CNTNAP5: variants seen among roughly 807,000 people sequenced by gnomAD.
CNTNAP5 encodes the protein contactin associated protein family member 5, also known as contactin-associated protein-like 5.
In CNTNAP5, 72 loss-of-function variants were observed where a neutral mutation model predicts 150.2. That is an observed-to-expected ratio of 0.48 (90% CI 0.40 to 0.58). CNTNAP5 has a LOEUF of 0.58. CNTNAP5 is among the 20% of genes least tolerant of loss of function. The pLI is 0.00. For synonymous variants in CNTNAP5, 672 were observed against 619.8 expected (o/e 1.08, Z -1.25); for missense variants, 1,636 against 1,626.2 (o/e 1.01, Z -0.10).
chr2:124,694,994 TTGTGTGTGTGTGTG>T (rs138349590), intron 13 of CNTNAP5, among the ~76,000 whole-genome samples: 7 of 150,192 alleles, frequency 4.7e-5, no homozygotes, highest in Non-Finnish European at 5.9e-5. Context: ...ATTTCCTAAA[TTGTGTGTGTGTGTG>T]TGTGTGTGTG....
chr2:124,088,216 AGACTAT>A (rs1169412839), intron 1 of CNTNAP5, among the ~76,000 whole-genome samples: 1 of 152,090 alleles, frequency 6.6e-6, no homozygotes, highest in Non-Finnish European at 1.5e-5. Context: ...TCTGCTATTA[AGACTAT>A]CAAGCCTGTC....
intron 10 of CNTNAP5, among the ~76,000 whole-genome samples, chr2:124,557,845 T>C (rs569926751): frequency 6.6e-6 from 1 of 151,864 alleles, no homozygotes; most frequent in African/African-American, 2.4e-5. Context: ...GAAAAATGCT[T>C]TGGGTAGAGA....
intron 3 of CNTNAP5, among the ~76,000 whole-genome samples, chr2:124,355,813 A>G (rs1375884412): frequency 1.3e-5 from 2 of 152,172 alleles, no homozygotes; most frequent in African/African-American, 4.8e-5. Context: ...TGAAAATGAT[A>G]AAAAGTCATG....
chr2:124,271,766 G>T (rs1307556646), intron 3 of CNTNAP5, among the ~76,000 whole-genome samples: 2 of 151,562 alleles, frequency 1.3e-5, no homozygotes, highest in Non-Finnish European at 2.9e-5. Flanking sequence ...CCAGGCTGTA[G>T]TGCATTGGCA....
intron 1 of CNTNAP5, among the ~76,000 whole-genome samples, chr2:124,192,364 C>A (rs565038363): frequency 6.6e-6 from 1 of 152,270 alleles, no homozygotes; most frequent in East Asian, 1.9e-4. Flanking sequence ...CCCCCTGCAG[C>A]CCTGGCACTT....
At chr2:124,742,192 T>C (rs1680510397) in intron 13 of CNTNAP5, among the ~76,000 whole-genome samples, 1 of 152,186 alleles carries the variant, frequency 6.6e-6, no homozygotes. Context: ...CAACATACCC[T>C]TATGCAGTCT....
intron 1 of CNTNAP5, among the ~76,000 whole-genome samples, chr2:124,182,388 T>A: frequency 6.6e-6 from 1 of 152,120 alleles, no homozygotes; most frequent in Non-Finnish European, 1.5e-5. Context: ...AAAATATTTC[T>A]AACAAGGGAT....
At chr2:124,762,364 T>G (rs1680976347) in intron 14 of CNTNAP5, among the ~76,000 whole-genome samples, 1 of 152,146 alleles carries the variant, frequency 6.6e-6, no homozygotes, top group South Asian at 2.1e-4. Flanking sequence ...ATAATAAATC[T>G]GAAAATTTAA....
chr2:124,562,782 T>C (rs1203034333), intron 10 of CNTNAP5, among the ~76,000 whole-genome samples: 1 of 152,210 alleles, frequency 6.6e-6, no homozygotes, highest in Non-Finnish European at 1.5e-5. Flanking sequence ...ACCTGGTCAT[T>C]CCCCAAAAGA....
At chr2:124,681,765 T>C (rs1389718835) in intron 13 of CNTNAP5, among the ~76,000 whole-genome samples, 1 of 152,108 alleles carries the variant, frequency 6.6e-6, no homozygotes, top group Non-Finnish European at 1.5e-5. Flanking sequence ...GGTTTCACCA[T>C]TTTAGCCAGG....
intron 19 of CNTNAP5, among the ~76,000 whole-genome samples, chr2:124,846,149 T>C (rs745746652): frequency 4.6e-5 from 7 of 152,180 alleles, no homozygotes; most frequent in African/African-American, 1.7e-4. Context: ...TTTAATGCCA[T>C]AAACTTTCCT....
At chr2:124,056,994 G>GT (rs1455656606) in intron 1 of CNTNAP5, among the ~76,000 whole-genome samples, 3 of 151,976 alleles carry the variant, frequency 2.0e-5, no homozygotes, top group Non-Finnish European at 4.4e-5. Context: ...ATTTTTTAAT[G>GT]TTTTTTACTT....
At chr2:124,538,315 C>A (rs1008679112) in intron 10 of CNTNAP5, among the ~76,000 whole-genome samples, 12 of 152,088 alleles carry the variant, frequency 7.9e-5, no homozygotes, top group Non-Finnish European at 1.6e-4. Flanking sequence ...TCCATCTCTA[C>A]TAAAATACAA....
At chr2:124,763,554 T>C (rs1681002039) in intron 14 of CNTNAP5, 118 bp from the exon 15 acceptor site, 1 of 879,236 alleles carries the variant, frequency 1.1e-6, no homozygotes, top group East Asian at 2.6e-5. Context: ...GTTTTCCCCC[T>C]CTCTGCCCCT....
chr2:124,478,887 C>T (rs1304811290), intron 7 of CNTNAP5, among the ~76,000 whole-genome samples: 1 of 152,220 alleles, frequency 6.6e-6, no homozygotes, highest in Non-Finnish European at 1.5e-5. Context: ...CCCACGGAAG[C>T]TCCAGCCTTT....
intron 19 of CNTNAP5, among the ~76,000 whole-genome samples, chr2:124,841,312 G>A (rs1451501528): frequency 6.6e-6 from 1 of 151,632 alleles, no homozygotes. Flanking sequence ...TGCTCAGCAA[G>A]TACTTTCTTC....
rs1442139043 is a variant in CNTNAP5 at position 124,917,176 on chromosome 2, G to A, written c.*2888G>A. Among the ~76,000 whole-genome samples, 1 of 151,702 alleles carries A rather than the reference G, an allele frequency of 6.6e-6. No individual in the cohort carries two copies. The highest frequency in any genetic ancestry group is 1.5e-5 in the Non-Finnish European group (1 of 67,926). Reference sequence around the variant, plus strand: ...TCCCAACTACATGCTCTGGCCAACTGGGCCACCATGATCTCTTCCACTTAA... The same window carrying A: ...TCCCAACTACATGCTCTGGCCAACTAGGCCACCATGATCTCTTCCACTTAA... On this transcript the variant is annotated 3_prime_UTR_variant, in exon 24 of 24. Transcript: ENST00000682447.
At position 124,678,048 on chromosome 2, in the gene CNTNAP5, T is replaced by C. The variant is rs542493429; in HGVS notation, c.2077+30090T>C. 4.6e-5 allele frequency among the ~76,000 whole-genome samples: 7 copies of C among 151,984 alleles called. 1 individual carries two copies. In the East Asian group the frequency reaches 9.7e-4, roughly 21 times the overall value. ...ATGTCTTAAGTCTCTGCCTTTTTGTTTGTCTAGTTTTCCACTGTTGTCTTA... is the reference window on the plus strand; with the variant it reads ...ATGTCTTAAGTCTCTGCCTTTTTGTCTGTCTAGTTTTCCACTGTTGTCTTA... On this transcript the variant is annotated intron_variant, in intron 13 of 23. Coordinates refer to ENST00000682447, the MANE Select transcript of CNTNAP5 (RefSeq NM_001367498.1).
At chr2:124,619,743 G>T (rs930294744) in intron 12 of CNTNAP5, among the ~76,000 whole-genome samples, 1 of 150,918 alleles carries the variant, frequency 6.6e-6, no homozygotes, top group Non-Finnish European at 1.5e-5. Context: ...GCTACTTCCT[G>T]GGTCTCTTGT....
Sources: gnomAD v4.1 joint callset for allele counts (sites outside exome capture counted in the v4.1 genomes callset) on GRCh38, gnomAD v4.1.1 for gene constraint, MANE v1.5 for transcripts, NCBI Gene and HGNC (gene_info 2026-07-23, HGNC 2026-07-21) for gene names.